The following USH2A variants were observed in gnomAD, a reference collection of about 807,000 sequenced individuals.
USH2A encodes usherin, also known as Usher syndrome 2A (autosomal recessive, mild).
In USH2A, 443 loss-of-function variants were observed where a neutral mutation model predicts 538.9. The ratio of observed to expected loss-of-function variants is 0.82; its 90% CI spans 0.76 to 0.89. The LOEUF is 0.89. Among genes scored for constraint, USH2A ranks in the 40% least tolerant of loss-of-function variants. The probability of loss-of-function intolerance (pLI) is 0.00; values close to 1 mark genes in which losing one functional copy is unlikely to be tolerated. For synonymous variants in USH2A, 2,413 were observed against 2,273.5 expected, an observed-to-expected ratio of 1.06 and a Z score of -1.75; for missense variants, 6,633 against 6,324.8, an observed-to-expected ratio of 1.05 and a Z score of -1.65.
intron 32 of USH2A, among the ~76,000 whole-genome samples, chr1:216,045,332 C>T (rs1224333193): frequency 1.3e-5 from 2 of 152,094 alleles, no homozygotes; most frequent in African/African-American, 4.8e-5. Flanking sequence ...ATACATAATG[C>T]AAGTCTTCTG....
At chr1:216,377,269 G>A (rs2038839439) in intron 3 of USH2A, among the ~76,000 whole-genome samples, 1 of 152,122 alleles carries the variant, frequency 6.6e-6, no homozygotes, top group Non-Finnish European at 1.5e-5. Flanking sequence ...AGTCCTTTCT[G>A]ATCAAAAGCT....
chr1:215,836,501 A>T (rs1558119975), intron 47 of USH2A, among the ~76,000 whole-genome samples: 8 of 18,824 alleles, frequency 4.2e-4, no homozygotes, highest in African/African-American at 1.7e-3. Flanking sequence ...TATATATAAT[A>T]TATATTATAT....
intron 56 of USH2A, among the ~76,000 whole-genome samples, chr1:215,760,586 CA>C (rs1305487294): frequency 4.6e-5 from 7 of 152,116 alleles, no homozygotes; most frequent in Non-Finnish European, 1.0e-4. Context: ...GATGATATAT[CA>C]AAAACTAAAA....
intron 40 of USH2A, 85 bp downstream of exon 40, chr1:215,899,990 C>T (rs1249394208): frequency 3.8e-6 from 6 of 1,589,886 alleles, no homozygotes; most frequent in Non-Finnish European, 5.2e-6. Context: ...AAGGGAGGCT[C>T]ATTTCTTTGC....
In USH2A at chr1:216,086,763, A is replaced by G. The variant is rs1558251712; in HGVS notation, c.4943T>C (p.Leu1648Pro). Reference sequence around the variant, plus strand: ...GGTATAACTTCGCGGGAGCCCTCCCAGAAAGACTCCTGTGTTATCTCCAAT... The same window carrying G: ...GGTATAACTTCGCGGGAGCCCTCCCGGAAAGACTCCTGTGTTATCTCCAAT... The part of the protein sequence containing the change: ...TVIGDNTGVF[L>P]GGLPRSYTIL... The change falls in exon 24 of 72, where the codon CTG becomes CCG. Residue 1648 changes from leucine to proline, a missense_variant. Physicochemically the swap from Leu to Pro is moderately conservative, Grantham distance 98. Transcript: ENST00000307340. 2 of 1,613,100 alleles carry G rather than the reference A, an allele frequency of 1.2e-6. No homozygotes were observed. Among genetic ancestry groups the G allele is most frequent in the South Asian group, 2.2e-5 (2 of 91,070 alleles).
intron 49 of USH2A, among the ~76,000 whole-genome samples, chr1:215,800,992 A>G (rs1379591086): frequency 6.6e-6 from 1 of 152,188 alleles, no homozygotes; most frequent in Non-Finnish European, 1.5e-5. Flanking sequence ...AAATTTAATC[A>G]ATGTAACACA....
chr1:216,325,758 G>GGCCA (rs1558039053), intron 5 of USH2A, among the ~76,000 whole-genome samples, 159 bp from the exon 6 acceptor site: 2 of 151,910 alleles, frequency 1.3e-5, no homozygotes, highest in African/African-American at 4.8e-5. Flanking sequence ...ACTTATTTTT[G>GGCCA]GCCAAATAAA....
intron 37 of USH2A, among the ~76,000 whole-genome samples, chr1:215,962,718 A>G (rs1248559516): frequency 6.6e-6 from 1 of 152,130 alleles, no homozygotes; most frequent in Admixed American, 6.6e-5. Flanking sequence ...GAAGCTGAGC[A>G]CACTACTTTT....
Position 215,654,559 on chromosome 1 carries a change from G to A in USH2A, c.14134-3758C>T, listed in dbSNP as rs777498748. On this transcript the variant is annotated intron_variant, in intron 64 of 71. Coordinates refer to ENST00000307340, the MANE Select transcript of USH2A (RefSeq NM_206933.4). ...TGTAGAGTCAGAAACTTCCCTAGTC[G>A]TTAATAATGAAAAGTTAGGACTGAC... 1.1e-4 allele frequency among the ~76,000 whole-genome samples: 17 copies of A among 152,274 alleles called. 1 individual carries two copies. The highest frequency in any genetic ancestry group is 5.2e-4 in the Admixed American group (8 of 15,286).
intron 38 of USH2A, among the ~76,000 whole-genome samples, chr1:215,919,091 A>T (rs901065288): frequency 6.6e-6 from 1 of 152,116 alleles, no homozygotes; most frequent in African/African-American, 2.4e-5. Flanking sequence ...AGAAGAAAGC[A>T]TGAATCACCC....
intron 44 of USH2A, among the ~76,000 whole-genome samples, chr1:215,863,104 A>G (rs1571758774): frequency 6.6e-6 from 1 of 152,312 alleles, no homozygotes; most frequent in East Asian, 1.9e-4. Flanking sequence ...TTATTGGGGA[A>G]GAATTATAGT....
intron 47 of USH2A, among the ~76,000 whole-genome samples, chr1:215,835,036 T>A (rs1044119723): frequency 5.9e-5 from 9 of 151,838 alleles, no homozygotes; most frequent in African/African-American, 2.2e-4. Flanking sequence ...TTTTGTTTTA[T>A]GGTTAGAGAA....
At position 216,250,997 on chromosome 1, in the gene USH2A, G is replaced by T. The variant is rs376674482; in HGVS notation, c.2073C>A (p.Cys691Ter). 6.2e-7 allele frequency: 1 copy of T among 1,614,050 alleles called. No individual in the cohort carries two copies. Among genetic ancestry groups the T allele is most frequent in the Non-Finnish European group, 8.5e-7 (1 of 1,179,990 alleles). The change falls in exon 12 of 72, where the codon TGC (cysteine) becomes TGA (stop). Residue 691 changes from cysteine (C) to a stop codon, truncating the protein, a stop_gained. Transcript: ENST00000307340. LOFTEE classifies it high-confidence loss of function. ...CAGAGGTATTGCAGTTACAGGGACT[G>T]CAGCCATCAGGATCCAACTCTTGTA... ...YNLQELDPDG[C>*]SPCNCNTSGT... is the part of the protein sequence containing the mutation.
At chr1:216,324,086 C>T (rs2037675701) in intron 7 of USH2A, 82 bp downstream of exon 7, 2 of 1,480,792 alleles carry the variant, frequency 1.4e-6, no homozygotes, top group South Asian at 2.5e-5. Flanking sequence ...GGGAAGTCTC[C>T]ACCAGCCTAG....
chr1:216,229,297 T>G (rs1471528998), intron 14 of USH2A, among the ~76,000 whole-genome samples: 1 of 151,962 alleles, frequency 6.6e-6, no homozygotes. Context: ...GAATCTGAAG[T>G]CTGCTTTCTC....
At chr1:216,153,345 G>T (rs541175241) in intron 21 of USH2A, among the ~76,000 whole-genome samples, 3 of 152,136 alleles carry the variant, frequency 2.0e-5, no homozygotes, top group South Asian at 2.1e-4. Flanking sequence ...GAGCCCAAAA[G>T]TTCTTGCCCT....
intron 11 of USH2A, among the ~76,000 whole-genome samples, chr1:216,278,459 C>T (rs191784106): frequency 1.3e-5 from 2 of 152,266 alleles, no homozygotes. Flanking sequence ...GAATCTCATC[C>T]TCTACAATCT....
chr1:215,751,611 C>A (rs1354128695), intron 58 of USH2A, among the ~76,000 whole-genome samples: 1 of 152,088 alleles, frequency 6.6e-6, no homozygotes, highest in Non-Finnish European at 1.5e-5. Context: ...TTCCATGAAG[C>A]ATTTGCTATT....
At chr1:215,892,348 C>T (rs767469152) in intron 40 of USH2A, among the ~76,000 whole-genome samples, 32 of 152,100 alleles carry the variant, frequency 2.1e-4, no homozygotes, top group Non-Finnish European at 4.1e-4. Flanking sequence ...ATTAAAGCCT[C>T]GCTCAGTTTA....
Sources: allele counts gnomAD v4.1 joint callset (sites outside exome capture counted in the v4.1 genomes callset), GRCh38; gene constraint gnomAD v4.1.1; transcripts MANE v1.5; gene names NCBI Gene and HGNC (gene_info 2026-07-23, HGNC 2026-07-21).